The following THNSL1 variants were observed in gnomAD, a reference collection of about 807,000 sequenced individuals.
THNSL1 encodes the protein threonine synthase like 1, also known as threonine synthase-like 1.
THNSL1 carries 48 observed loss-of-function variants against 50.4 expected under a neutral mutation model. That is an observed-to-expected ratio of 0.95 (90% CI 0.76 to 1.21). The LOEUF (loss-of-function observed/expected upper bound fraction) is 1.21. Among genes scored for constraint, THNSL1 ranks in the 50% most tolerant of loss-of-function variants. THNSL1 has a pLI of 0.00. For missense variants in THNSL1, 896 were observed against 871.7 expected (o/e 1.03, Z -0.35); for synonymous variants, 309 against 306.1 (o/e 1.01, Z -0.10).
chr10:25,020,129 TAATA>T (rs761435423), intron 1 of THNSL1, among the ~76,000 whole-genome samples: 2 of 152,080 alleles, frequency 1.3e-5, no homozygotes, highest in African/African-American at 2.4e-5. Context: ...TCTTTAGAAA[TAATA>T]TATATTATAG....
At chr10:24,983,865 G>A in the THNSL1 span, 1 of 152,084 alleles carries the variant, frequency 6.6e-6, no homozygotes, top group African/African-American at 2.4e-5. Flanking sequence ...GATATTTAGA[G>A]CTATTTTTTC....
the THNSL1 span, chr10:24,984,378 T>C: frequency 2.8e-6 from 4 of 1,427,050 alleles, no homozygotes; most frequent in Non-Finnish European, 3.7e-6. Flanking sequence ...TATCATGCGC[T>C]GCAGAAAAAA....
At chr10:25,016,225 C>T (rs1454718769), upstream of THNSL1, 4 of 1,085,516 alleles carry the variant, frequency 3.7e-6, no homozygotes, top group East Asian at 1.5e-4. Context: ...ACTAGGTCTC[C>T]CCTCTTCCCT....
chr10:24,968,941 T>C, the THNSL1 span, among the ~76,000 whole-genome samples: 78,805 of 151,950 alleles, frequency 0.52, 22,494 homozygotes, highest in African/African-American at 0.77. Context: ...TCACCCAGGC[T>C]GGAGTCCACT....
At chr10:25,001,024 T>C in the THNSL1 span, among the ~76,000 whole-genome samples, 181 of 152,236 alleles carry the variant, frequency 1.2e-3, 1 homozygote, top group African/African-American at 4.0e-3. Context: ...TGTTGTAATA[T>C]ATTTTACTTT....
upstream of THNSL1, among the ~76,000 whole-genome samples, chr10:25,015,130 G>A (rs1398719534): frequency 6.6e-6 from 1 of 152,168 alleles, no homozygotes. Context: ...GCTCCCCACA[G>A]ATTTAAGTAA....
At chr10:25,016,052 C>T (rs553811671), upstream of THNSL1, 14 of 1,450,728 alleles carry the variant, frequency 9.7e-6, no homozygotes, top group Admixed American at 3.5e-4. Flanking sequence ...TCTGAAGGAC[C>T]ACAGGTTCTC....
chr10:24,957,985 AT>A, the THNSL1 span, among the ~76,000 whole-genome samples: 9 of 151,706 alleles, frequency 5.9e-5, no homozygotes, highest in East Asian at 3.9e-4. Flanking sequence ...GTATATACTA[AT>A]TTTTTTTTGA....
the THNSL1 span, chr10:24,984,697 C>A: frequency 6.5e-7 from 1 of 1,529,434 alleles, no homozygotes; most frequent in Non-Finnish European, 8.8e-7. Flanking sequence ...TTTTTTTCCC[C>A]TACATTGAAA....
the THNSL1 span, among the ~76,000 whole-genome samples, chr10:25,007,528 G>A: frequency 6.6e-6 from 1 of 152,104 alleles, no homozygotes; most frequent in Non-Finnish European, 1.5e-5. Flanking sequence ...TCCGCCTCCC[G>A]GGTTCACACC....
chr10:24,969,158 TG>T, the THNSL1 span, among the ~76,000 whole-genome samples: 1 of 152,182 alleles, frequency 6.6e-6, no homozygotes, highest in Non-Finnish European at 1.5e-5. Flanking sequence ...CCTGTCGAAG[TG>T]CTGGGATTAC....
At chr10:24,979,583 A>T in the THNSL1 span, among the ~76,000 whole-genome samples, 2 of 152,038 alleles carry the variant, frequency 1.3e-5, no homozygotes, top group Non-Finnish European at 2.9e-5. Flanking sequence ...CTTCTCTCCC[A>T]CCTTACCTCT....
At chr10:25,018,749 GTAAA>G (rs373941908) in intron 1 of THNSL1, among the ~76,000 whole-genome samples, 34 of 147,942 alleles carry the variant, frequency 2.3e-4, no homozygotes, top group Admixed American at 1.1e-3. Flanking sequence ...CAATTGGAAG[GTAAA>G]TAAACCCTTT....
At chr10:24,985,511 G>A in the THNSL1 span, among the ~76,000 whole-genome samples, 1 of 152,244 alleles carries the variant, frequency 6.6e-6, no homozygotes, top group African/African-American at 2.4e-5. Flanking sequence ...TCCCATTAAT[G>A]TATTCTATAA....
chr10:25,007,115 AT>A, the THNSL1 span, among the ~76,000 whole-genome samples: 1 of 152,160 alleles, frequency 6.6e-6, no homozygotes, highest in East Asian at 1.9e-4. Flanking sequence ...TTCTGTAAAA[AT>A]TTGAGTCATC....
chr10:25,016,130 T>C (rs928303171), upstream of THNSL1: 5 of 1,250,026 alleles, frequency 4.0e-6, no homozygotes, highest in African/African-American at 6.2e-5. Context: ...ACCCTATTTC[T>C]CTCCGGATTG....
rs997145334 is a variant in THNSL1 at position 25,024,297 on chromosome 10, G to T, written c.1074G>T (p.Met358Ile). The T allele has an allele frequency of 6.2e-7, 1 of 1,614,024 alleles. No homozygotes were observed. The highest frequency in any genetic ancestry group is 8.5e-7 in the Non-Finnish European group (1 of 1,180,034). Residue 358 changes from methionine to isoleucine, a missense_variant, in exon 3 of 3, where the codon ATG (methionine) becomes ATT (isoleucine). Met to Ile is a conservative substitution (Grantham distance 10). Transcript: ENST00000376356. ...GSFKDLSLQL[M>I]PHIFAHCIPP... ...TTAAAGATTTGTCTTTACAGCTTATGCCTCATATTTTTGCACACTGTATCC... is the reference window on the plus strand; with the variant it reads ...TTAAAGATTTGTCTTTACAGCTTATTCCTCATATTTTTGCACACTGTATCC...
the THNSL1 span, chr10:24,995,535 A>C: frequency 2.1e-6 from 2 of 973,986 alleles, no homozygotes. Context: ...TCAGCAAAGT[A>C]GACAATGTGT....
At chr10:25,011,860 A>C (rs960574903), upstream of THNSL1, among the ~76,000 whole-genome samples, 1 of 152,238 alleles carries the variant, frequency 6.6e-6, no homozygotes, top group Non-Finnish European at 1.5e-5. Context: ...TTGCATAAGG[A>C]GAAGCCAAAT....
Sources: allele counts gnomAD v4.1 joint callset (sites outside exome capture counted in the v4.1 genomes callset), GRCh38; gene constraint gnomAD v4.1.1; transcripts MANE v1.5; gene names NCBI Gene and HGNC (gene_info 2026-07-23, HGNC 2026-07-21).